The following NKAIN3 variants were observed in gnomAD, a reference collection of about 807,000 sequenced individuals.
NKAIN3 encodes sodium/potassium-transporting ATPase subunit beta-1-interacting protein 3.
In NKAIN3, 25 loss-of-function variants were observed where a neutral mutation model predicts 30.2. That is an observed-to-expected ratio of 0.83 (90% confidence interval 0.60 to 1.16). The LOEUF (loss-of-function observed/expected upper bound fraction) is 1.16, where lower values mean the gene tolerates loss of function less well. Among genes scored for constraint, NKAIN3 ranks in the 50% most tolerant of loss-of-function variants. NKAIN3 has a pLI of 0.00. For missense variants in NKAIN3, 225 were observed against 254.1 expected (o/e 0.89, Z 0.78); for synonymous variants, 91 against 89.6 (o/e 1.02, Z -0.09).
intron 1 of NKAIN3, among the ~76,000 whole-genome samples, chr8:62,388,795 T>C (rs1817505150): frequency 6.6e-6 from 1 of 152,224 alleles, no homozygotes; most frequent in Non-Finnish European, 1.5e-5. Flanking sequence ...CATTCTGCCA[T>C]GCGTGCTGTT....
chr8:62,532,419 G>GGAAGACAA (rs56081293), intron 1 of NKAIN3, among the ~76,000 whole-genome samples: 2 of 152,010 alleles, frequency 1.3e-5, no homozygotes, highest in East Asian at 3.9e-4. Flanking sequence ...TGAAGCCCTG[G>GGAAGACAA]CTGCATTCTA....
intron 1 of NKAIN3, among the ~76,000 whole-genome samples, chr8:62,424,846 A>G (rs897637553): frequency 5.9e-5 from 9 of 151,780 alleles, no homozygotes; most frequent in South Asian, 4.1e-4. Context: ...TTTGCACTCT[A>G]TTAGTTGCAT....
chr8:62,939,891 G>A (rs1213558596), intron 5 of NKAIN3, among the ~76,000 whole-genome samples: 1 of 151,884 alleles, frequency 6.6e-6, no homozygotes, highest in Non-Finnish European at 1.5e-5. Context: ...ATGATGAATA[G>A]AATAGTACCT....
At chr8:62,353,368 T>A (rs563561635) in intron 1 of NKAIN3, among the ~76,000 whole-genome samples, 13 of 152,342 alleles carry the variant, frequency 8.5e-5, no homozygotes, top group African/African-American at 3.1e-4. Context: ...TTATTAACAT[T>A]ACTGATGTGA....
intron 1 of NKAIN3, among the ~76,000 whole-genome samples, chr8:62,279,244 T>G (rs1273475571): frequency 6.6e-6 from 1 of 152,226 alleles, no homozygotes; most frequent in Non-Finnish European, 1.5e-5. Flanking sequence ...ATAAATTTGT[T>G]TGCGTTCTTT....
intron 3 of NKAIN3, among the ~76,000 whole-genome samples, chr8:62,681,419 A>G (rs1813640497): frequency 6.6e-6 from 1 of 152,202 alleles, no homozygotes; most frequent in Non-Finnish European, 1.5e-5. Flanking sequence ...CTAGACATAG[A>G]GTTGATACTC....
intron 1 of NKAIN3, among the ~76,000 whole-genome samples, chr8:62,448,721 G>A (rs1805556933): frequency 6.6e-6 from 1 of 151,922 alleles, no homozygotes; most frequent in Non-Finnish European, 1.5e-5. Context: ...AGATGTGGAA[G>A]ACTATTGCTA....
chr8:62,967,448 G>A lies in NKAIN3; in HGVS notation c.*2041G>A, dbSNP rs985215944. ...ACAGTGAAGCACTCCACAATTAAAGGAGGTGATTATTATTAATAATGTCAA... is the reference window on the plus strand; with the variant it reads ...ACAGTGAAGCACTCCACAATTAAAGAAGGTGATTATTATTAATAATGTCAA... On this transcript the variant is annotated 3_prime_UTR_variant, in exon 7 of 7. Transcript: ENST00000623646. Among the ~76,000 whole-genome samples the A allele has an allele frequency of 6.6e-6, 1 of 152,082 alleles. No homozygotes were observed. The highest frequency in any genetic ancestry group is 2.4e-5 in the African/African-American group (1 of 41,426).
intron 1 of NKAIN3, among the ~76,000 whole-genome samples, chr8:62,251,643 A>G (rs1453143587): frequency 2.0e-5 from 3 of 152,154 alleles, no homozygotes; most frequent in Non-Finnish European, 4.4e-5. Flanking sequence ...TTTCATAGCT[A>G]TTGACAATGT....
rs907115084 is a variant in NKAIN3, at chr8:62,343,933, G to T, written c.54+94806G>T. On this transcript the variant is annotated intron_variant, in intron 1 of 6. Transcript: ENST00000623646. ...TTATGGATGAATAAGGTTGTTATATGGTCAATGTATAATTAGTATCCAAGT... is the reference window on the plus strand; with the variant it reads ...TTATGGATGAATAAGGTTGTTATATTGTCAATGTATAATTAGTATCCAAGT... Among the ~76,000 whole-genome samples, 3 of 152,036 alleles carry T rather than the reference G, an allele frequency of 2.0e-5. No homozygotes were observed. The East Asian group carries it at 5.8e-4, about 29-fold the overall frequency.
chr8:62,325,815 A>G (rs1815098595), intron 1 of NKAIN3, among the ~76,000 whole-genome samples: 1 of 152,062 alleles, frequency 6.6e-6, no homozygotes, highest in East Asian at 1.9e-4. Context: ...GGCTGTTTGT[A>G]TATCTTTTTT....
chr8:62,897,286 A>G (rs1021124999), intron 4 of NKAIN3, among the ~76,000 whole-genome samples: 1 of 152,176 alleles, frequency 6.6e-6, no homozygotes, highest in Non-Finnish European at 1.5e-5. Context: ...AGAACAGGCA[A>G]TGTTTTTTAT....
chr8:62,882,596 G>A (rs895402464), intron 4 of NKAIN3, among the ~76,000 whole-genome samples: 8 of 152,112 alleles, frequency 5.3e-5, no homozygotes, highest in Admixed American at 5.2e-4. Context: ...GAGAATACAG[G>A]TGTGAGCCAC....
At chr8:62,830,235 C>T (rs1819153543) in intron 4 of NKAIN3, among the ~76,000 whole-genome samples, 2 of 152,112 alleles carry the variant, frequency 1.3e-5, no homozygotes, top group African/African-American at 2.4e-5. Context: ...AGTCACCTGG[C>T]TCAACATTTT....
intron 1 of NKAIN3, among the ~76,000 whole-genome samples, chr8:62,266,442 A>G (rs1812601070): frequency 6.6e-6 from 1 of 152,214 alleles, no homozygotes; most frequent in African/African-American, 2.4e-5. Flanking sequence ...TTTTAGTAAT[A>G]TACACATATG....
intron 5 of NKAIN3, among the ~76,000 whole-genome samples, chr8:62,920,150 A>G (rs1822234583): frequency 6.6e-6 from 1 of 152,254 alleles, no homozygotes; most frequent in South Asian, 2.1e-4. Flanking sequence ...ATTAACTGGA[A>G]TTTCAACCTG....
chr8:62,863,236 T>C, intron 4 of NKAIN3: 1 of 1,567,540 alleles, frequency 6.4e-7, no homozygotes, highest in Non-Finnish European at 8.7e-7. Context: ...CTGTTTATTT[T>C]TCAGTTTTTT....
intron 1 of NKAIN3, among the ~76,000 whole-genome samples, chr8:62,461,712 T>C (rs60345396): frequency 4.9e-4 from 74 of 152,068 alleles, no homozygotes; most frequent in African/African-American, 1.7e-3. Context: ...GTTGAGCCAA[T>C]AGAAGAAAGA....
At chr8:62,294,376 C>A (rs941376035) in intron 1 of NKAIN3, among the ~76,000 whole-genome samples, 1 of 152,000 alleles carries the variant, frequency 6.6e-6, no homozygotes, top group Non-Finnish European at 1.5e-5. Context: ...AGTAGGCACT[C>A]GAAAATATGT....
Sources: allele counts gnomAD v4.1 joint callset (sites outside exome capture counted in the v4.1 genomes callset), GRCh38; gene constraint gnomAD v4.1.1; transcripts MANE v1.5; gene names NCBI Gene and HGNC (gene_info 2026-07-23, HGNC 2026-07-21).